SLCO1A2: variants seen among roughly 807,000 people sequenced by gnomAD.
SLCO1A2 encodes solute carrier organic anion transporter family member 1A2.
In SLCO1A2, 67 loss-of-function variants were observed where a neutral mutation model predicts 69.0. The ratio of observed to expected loss-of-function variants is 0.97; its 90% CI spans 0.80 to 1.19. The LOEUF (loss-of-function observed/expected upper bound fraction) is 1.19. Ranked by LOEUF, SLCO1A2 falls within the 50% of genes most tolerant of loss-of-function variation. The pLI is 0.00. For missense variants in SLCO1A2, 787 were observed against 793.7 expected (o/e 0.99, Z 0.10); for synonymous variants, 260 against 265.9 (o/e 0.98, Z 0.22).
chr12:21,331,649 T>C (rs1952625747), intron 2 of SLCO1A2, among the ~76,000 whole-genome samples: 1 of 151,828 alleles, frequency 6.6e-6, no homozygotes, highest in Non-Finnish European at 1.5e-5. Flanking sequence ...CTCAGCTACT[T>C]ATCTAGGAAT....
Position 21,319,955 on chromosome 12 carries a change from T to A in SLCO1A2, c.61-1032A>T, listed in dbSNP as rs539873550. Among the ~76,000 whole-genome samples, 12 of 152,318 alleles carry A rather than the reference T, an allele frequency of 7.9e-5. No homozygotes were observed. In the East Asian group the frequency reaches 1.4e-3, roughly 17 times the overall value. On this transcript the variant is annotated intron_variant, in intron 2 of 14. Coordinates refer to ENST00000683939, the MANE Select transcript of SLCO1A2 (RefSeq NM_001386879.1). ...AAACAGGAGCACTGTATACTGGTAA[T>A]AGTATAGTTAGGTAGATTAATTACT...
chr12:21,274,984 T>C (rs901446046), intron 13 of SLCO1A2: 1 of 1,024,824 alleles, frequency 9.8e-7, no homozygotes, highest in African/African-American at 1.7e-5. Flanking sequence ...AGAGATTCTC[T>C]ATCTCTTTGT....
At chr12:21,286,783 G>C (rs568968890) in intron 12 of SLCO1A2, among the ~76,000 whole-genome samples, 20,564 of 101,890 alleles carry the variant, frequency 0.2, 1,810 homozygotes, top group Non-Finnish European at 0.23. Context: ...TTAATAAATG[G>C]TGCTGGGAAA....
rs573292443 is a variant in SLCO1A2, at chr12:21,264,774, T to G, written c.*4774A>C. 4 of 152,234 alleles carry G rather than the reference T, an allele frequency of 2.6e-5. No homozygotes were observed. Among genetic ancestry groups the G allele is most frequent in the African/African-American group, 9.6e-5 (4 of 41,510 alleles). The allele number at this position is 152,234 out of a possible 1,614,324, so 9.4% of individuals were successfully genotyped here. On this transcript the variant is annotated 3_prime_UTR_variant, in exon 15 of 15. Coordinates refer to ENST00000683939, the MANE Select transcript of SLCO1A2 (RefSeq NM_001386879.1). ...TGGATTTCATGACCTTTCTTAAGGGTAAGAAGACACTGCCAAAGAGGCCTC... is the reference window on the plus strand; with the variant it reads ...TGGATTTCATGACCTTTCTTAAGGGGAAGAAGACACTGCCAAAGAGGCCTC...
At position 21,269,624 on chromosome 12, in the gene SLCO1A2, C is replaced by T. The variant is rs369741741; in HGVS notation, c.1937G>A (p.Gly646Glu). The change falls in exon 15 of 15, where the codon GGG (glycine) becomes GAG (glutamate). Residue 646 changes from glycine (G) to glutamate (E), a missense_variant. Physicochemically the swap from Gly to Glu is moderately conservative, Grantham distance 98 (BLOSUM62 -2). Transcript: ENST00000683939. ...TATATCTTTGCACTCATTTTCCTTC[C>T]CTTTGACTTTTGTCTCTATAAGCTC... ...GTELIETKVK[G>E]KENECKDIYQ... The T allele has an allele frequency of 2.0e-4, 322 of 1,612,606 alleles. 1 individual carries two copies. The South Asian group carries it at 3.4e-3, about 17-fold the overall frequency.
chr12:21,397,546 C>T (rs1309846309), upstream of SLCO1A2, among the ~76,000 whole-genome samples: 8 of 152,152 alleles, frequency 5.3e-5, no homozygotes, highest in Admixed American at 1.3e-4. Context: ...ACAGAACCCT[C>T]CACCCCAAAT....
chr12:21,269,723 A>G lies in SLCO1A2; in HGVS notation c.1838T>C (p.Phe613Ser). 6.2e-7 allele frequency: 1 copy of G among 1,612,502 alleles called. No homozygotes were observed. Among genetic ancestry groups the G allele is most frequent in the Non-Finnish European group, 8.5e-7 (1 of 1,178,894 alleles). ...AATTAAGATGATTAAGGCTGGAACA[A>G]AGCTTGATCCTCTTAGTGCTGCCGG... ...GLPAALRGSSFVPALIILILL... is the reference protein window; with the variant it reads ...GLPAALRGSSSVPALIILILL... Residue 613 changes from phenylalanine to serine, a missense_variant, in exon 15 of 15, where the codon TTT becomes TCT. Physicochemically the swap from Phe to Ser is radical, Grantham distance 155. Coordinates refer to ENST00000683939, the MANE Select transcript of SLCO1A2 (RefSeq NM_001386879.1).
chr12:21,329,560 G>A (rs910411877), intron 2 of SLCO1A2, among the ~76,000 whole-genome samples: 7 of 151,474 alleles, frequency 4.6e-5, no homozygotes, highest in Non-Finnish European at 8.8e-5. Context: ...AACTCCTCGG[G>A]AGCATAATCC....
chr12:21,356,445 A>G (rs1488421375), intron 2 of SLCO1A2, among the ~76,000 whole-genome samples: 1 of 152,058 alleles, frequency 6.6e-6, no homozygotes, highest in Non-Finnish European at 1.5e-5. Context: ...ATTTATACCT[A>G]AAGATAACAA....
intron 2 of SLCO1A2, among the ~76,000 whole-genome samples, chr12:21,365,179 G>A (rs562633474): frequency 6.6e-6 from 1 of 152,118 alleles, no homozygotes; most frequent in Non-Finnish European, 1.5e-5. Context: ...AAACAGCATG[G>A]TACTGGTACC....
intron 4 of SLCO1A2, among the ~76,000 whole-genome samples, chr12:21,310,403 G>C (rs1167406249): frequency 2.0e-5 from 3 of 152,236 alleles, no homozygotes; most frequent in Non-Finnish European, 4.4e-5. Context: ...ACAATCATCT[G>C]AGCCTTCAGC....
At chr12:21,369,186 T>C (rs1298636025) in intron 2 of SLCO1A2, among the ~76,000 whole-genome samples, 1 of 152,200 alleles carries the variant, frequency 6.6e-6, no homozygotes, top group Admixed American at 6.5e-5. Flanking sequence ...AGGAAGAAGA[T>C]TAATACATAT....
At chr12:21,330,036 T>A (rs545165560) in intron 2 of SLCO1A2, among the ~76,000 whole-genome samples, 1 of 152,110 alleles carries the variant, frequency 6.6e-6, no homozygotes, top group Non-Finnish European at 1.5e-5. Flanking sequence ...CTTATTTTTC[T>A]TTTAGCCAAG....
At chr12:21,285,855 A>C (rs1200763465) in intron 12 of SLCO1A2, among the ~76,000 whole-genome samples, 3 of 152,128 alleles carry the variant, frequency 2.0e-5, no homozygotes. Context: ...GATGGGACGT[A>C]TTTCAAAATA....
intron 12 of SLCO1A2, among the ~76,000 whole-genome samples, chr12:21,291,440 C>T (rs1324678260): frequency 6.6e-6 from 1 of 152,106 alleles, no homozygotes; most frequent in Non-Finnish European, 1.5e-5. Context: ...AGAATCCTTG[C>T]ACTGGCCTAT....
At position 21,307,084 on chromosome 12, in the gene SLCO1A2, C is replaced by G. The variant is rs555109711; in HGVS notation, c.336-96G>C. On this transcript the variant is annotated intron_variant, in intron 4 of 14. Coordinates refer to ENST00000683939, the MANE Select transcript of SLCO1A2 (RefSeq NM_001386879.1). ...GTTACCTTCTGCTTCCCATACAACA[C>G]AATATCCAAATCCAGTAAAAATGGC... 5 of 767,690 alleles carry G rather than the reference C, an allele frequency of 6.5e-6. No individual in the cohort carries two copies. In the East Asian group the frequency reaches 1.4e-4, roughly 21 times the overall value. The allele number at this position is 767,690 out of a possible 1,614,324, so 47.6% of individuals were successfully genotyped here.
intron 1 of SLCO1A2, among the ~76,000 whole-genome samples, chr12:21,393,223 G>A (rs1941247640): frequency 1.3e-5 from 2 of 152,236 alleles, no homozygotes; most frequent in Middle Eastern, 3.4e-3. Flanking sequence ...GAACAGAACC[G>A]ATAATAAACC....
intron 1 of SLCO1A2, among the ~76,000 whole-genome samples, chr12:21,392,140 A>T (rs1409228978): frequency 6.6e-6 from 1 of 152,178 alleles, no homozygotes; most frequent in African/African-American, 2.4e-5. Context: ...TGACATCTGC[A>T]GTATCTTTGG....
At chr12:21,279,542 G>A (rs1041250457) in intron 12 of SLCO1A2, among the ~76,000 whole-genome samples, 5 of 151,980 alleles carry the variant, frequency 3.3e-5, no homozygotes, top group African/African-American at 1.2e-4. Context: ...CCAAGAGAGA[G>A]TGGCATGACA....
Sources: gnomAD v4.1 joint callset for allele counts (sites outside exome capture counted in the v4.1 genomes callset) on GRCh38, gnomAD v4.1.1 for gene constraint, MANE v1.5 for transcripts, NCBI Gene and HGNC (gene_info 2026-07-23, HGNC 2026-07-21) for gene names.